PEAK1: variants seen among roughly 807,000 people sequenced by gnomAD.
PEAK1 encodes the protein pseudopodium enriched atypical kinase 1, also known as inactive tyrosine-protein kinase PEAK1.
In PEAK1, 54 loss-of-function variants were observed where a neutral mutation model predicts 124.7. The observed-to-expected ratio is 0.43, with a 90% CI of 0.35 to 0.54. PEAK1 has a LOEUF of 0.54. Among genes scored for constraint, PEAK1 ranks in the 20% least tolerant of loss-of-function variants. PEAK1 has a pLI of 0.01. For synonymous variants in PEAK1, 719 were observed against 760.0 expected (o/e 0.95, Z 0.89); for missense variants, 2,046 against 2,134.5 (o/e 0.96, Z 0.82).
At chr15:77,396,473 G>A (rs1238201423) in intron 1 of PEAK1, among the ~76,000 whole-genome samples, 1 of 151,896 alleles carries the variant, frequency 6.6e-6, no homozygotes, top group Non-Finnish European at 1.5e-5. Flanking sequence ...AAGACACAGA[G>A]TGGCAGAAAG....
rs146530721 is a variant in PEAK1 at position 77,414,986 on chromosome 15, A to G, written c.-666+5020T>C. Among the ~76,000 whole-genome samples, 591 of 152,382 alleles carry G rather than the reference A, an allele frequency of 3.9e-3. 2 individuals are homozygous for G. The highest frequency in any genetic ancestry group is 0.012 in the African/African-American group (481 of 41,592). On this transcript the variant is annotated intron_variant, in intron 1 of 9. Transcript: ENST00000682557. ...AGATATCTCTACCAAACAGATATCT[A>G]CAAAGCAGCAGATAACAGCCTGGGC...
At chr15:77,337,155 T>C (rs918125953) in intron 2 of PEAK1, 54 of 985,042 alleles carry the variant, frequency 5.5e-5, no homozygotes, top group Non-Finnish European at 6.0e-5. Flanking sequence ...CATTATAACC[T>C]ACCTGTGCCC....
intron 5 of PEAK1, 101 bp from the exon 6 acceptor site, chr15:77,252,627 G>C (rs2060930908): frequency 1.5e-6 from 1 of 653,838 alleles, no homozygotes; most frequent in Non-Finnish European, 1.9e-6. Flanking sequence ...TCACTCAACA[G>C]TTATAATTCA....
chr15:77,402,340 A>G lies in PEAK1; in HGVS notation c.-666+17666T>C, dbSNP rs1302249857. ...GAAAAGGAGATCAAGGGAATAAATC[A>G]AGGGAAAAGAGGCAAGTTCCTTCTT... On this transcript the variant is annotated intron_variant, in intron 1 of 9. Transcript: ENST00000682557. The G allele has an allele frequency of 7.1e-6, 7 of 985,246 alleles. No homozygotes were observed. The African/African-American group carries it at 1.0e-4, about 15-fold the overall frequency. 61.0% of individuals were successfully genotyped at this position (985,246 alleles called of 1,614,324 possible).
chr15:77,156,347 G>A (rs937112527), intron 8 of PEAK1: 2 of 152,472 alleles, frequency 1.3e-5, no homozygotes, highest in African/African-American at 4.8e-5. Context: ...TAAGCCCGTT[G>A]GAAAAGCACA....
At position 77,347,916 on chromosome 15, in the gene PEAK1, G is replaced by A; in HGVS notation, c.-603+17247C>T. ...AAAAAAAAAGTAGCTCACCTTAATT[G>A]AAGGATAAACTTTATTTTTAAGCAC... On this transcript the variant is annotated intron_variant, in intron 2 of 9. Coordinates refer to ENST00000682557, the MANE Select transcript of PEAK1 (RefSeq NM_001385026.1). 3 of 984,780 alleles carry A rather than the reference G, an allele frequency of 3.0e-6. No individual in the cohort carries two copies. The South Asian group carries it at 1.4e-4, about 46-fold the overall frequency. 61.0% of individuals were successfully genotyped at this position (984,780 alleles called of 1,614,324 possible). A position where few individuals can be genotyped will look rare whatever the true frequency, so the allele number is the denominator to read the frequency against.
intron 5 of PEAK1, among the ~76,000 whole-genome samples, chr15:77,254,672 A>G (rs1423857111): frequency 1.3e-5 from 2 of 152,088 alleles, no homozygotes; most frequent in South Asian, 2.1e-4. Flanking sequence ...GGCTCAAGCT[A>G]TCTTCCCACC....
intron 6 of PEAK1, among the ~76,000 whole-genome samples, chr15:77,247,345 T>G (rs1369434257): frequency 6.6e-6 from 1 of 152,134 alleles, no homozygotes; most frequent in Admixed American, 6.5e-5. Flanking sequence ...ATCTTTGCCC[T>G]TTACTAGGCT....
chr15:77,200,109 G>A (rs982821770), intron 6 of PEAK1, among the ~76,000 whole-genome samples: 5 of 152,098 alleles, frequency 3.3e-5, no homozygotes, highest in African/African-American at 4.8e-5. Context: ...TGTCACCCTT[G>A]AGATAGCAAA....
intron 6 of PEAK1, among the ~76,000 whole-genome samples, chr15:77,192,694 T>C (rs2057897156): frequency 6.6e-6 from 1 of 152,144 alleles, no homozygotes; most frequent in East Asian, 1.9e-4. Flanking sequence ...CTAGGAGTAT[T>C]TCCATTCCTA....
intron 2 of PEAK1, among the ~76,000 whole-genome samples, chr15:77,296,753 T>C (rs1205613185): frequency 6.6e-6 from 1 of 151,768 alleles, no homozygotes; most frequent in Admixed American, 6.6e-5. Context: ...TTAACTATGA[T>C]CTAGGATTGT....
intron 2 of PEAK1, among the ~76,000 whole-genome samples, chr15:77,329,016 G>A (rs1044023977): frequency 5.9e-5 from 9 of 152,094 alleles, no homozygotes; most frequent in African/African-American, 7.2e-5. Flanking sequence ...ATTACATTTC[G>A]TTAGAATCTA....
At chr15:77,251,533 G>T (rs1225077073) in intron 6 of PEAK1, among the ~76,000 whole-genome samples, 2 of 152,118 alleles carry the variant, frequency 1.3e-5, no homozygotes, top group African/African-American at 4.8e-5. Flanking sequence ...AAGAAATAAA[G>T]TTCAAAAAAT....
intron 8 of PEAK1, among the ~76,000 whole-genome samples, chr15:77,143,968 G>A (rs2053988069): frequency 6.6e-6 from 1 of 152,178 alleles, no homozygotes; most frequent in Non-Finnish European, 1.5e-5. Context: ...AGCTTTATGG[G>A]CAGCCATGTT....
chr15:77,177,557 G>A (rs1043422530), intron 7 of PEAK1, among the ~76,000 whole-genome samples: 29 of 151,956 alleles, frequency 1.9e-4, no homozygotes, highest in African/African-American at 5.3e-4. Context: ...AAAGAAAAAC[G>A]GGTAAATCTG....
intron 1 of PEAK1, among the ~76,000 whole-genome samples, chr15:77,410,173 TG>T (rs1215879019): frequency 9.2e-5 from 14 of 151,720 alleles, no homozygotes; most frequent in South Asian, 4.2e-4. Context: ...CTGGAACCTC[TG>T]CCTCCCAGGT....
At chr15:77,105,794 G>C (rs934266739), downstream of PEAK1, 1 of 152,354 alleles carries the variant, frequency 6.6e-6, no homozygotes, top group African/African-American at 2.4e-5. Context: ...TGTGGCTTAG[G>C]TTGAAAGACA....
Position 77,114,918 on chromosome 15 carries a change from C to A in PEAK1, c.4479G>T (p.Val1493=). ...GKSPDLYERQ[V]CLLLLQLCSG... ...AGCATAGCTGTAAGAGCAGCAGACA[C>A]ACCTGCCTCTCATACAAATCAGGGC... The change falls in exon 10 of 10, where the codon GTG becomes GTT. Residue 1493 remains valine, a synonymous_variant. Coordinates refer to ENST00000682557, the MANE Select transcript of PEAK1 (RefSeq NM_001385026.1). 6.2e-7 allele frequency: 1 copy of A among 1,614,080 alleles called. No individual in the cohort carries two copies. The highest frequency in any genetic ancestry group is 8.5e-7 in the Non-Finnish European group (1 of 1,180,014).
chr15:77,391,601 C>G (rs2070463917), intron 1 of PEAK1, among the ~76,000 whole-genome samples: 1 of 150,708 alleles, frequency 6.6e-6, no homozygotes, highest in African/African-American at 2.4e-5. Flanking sequence ...GGTACTATTT[C>G]TGGCTCAGGC....
Sources: gnomAD v4.1 joint callset for allele counts (sites outside exome capture counted in the v4.1 genomes callset) on GRCh38, gnomAD v4.1.1 for gene constraint, MANE v1.5 for transcripts, NCBI Gene and HGNC (gene_info 2026-07-23, HGNC 2026-07-21) for gene names.